Variants in ATP2B1 observed in about 807,000 individuals in gnomAD.
ATP2B1 encodes the protein plasma membrane calcium-transporting ATPase 1.
ATP2B1 carries 14 observed loss-of-function variants against 124.2 expected under a neutral mutation model. The observed-to-expected ratio is 0.11, with a 90% CI of 0.07 to 0.18. The LOEUF is 0.18. Ranked by LOEUF, ATP2B1 falls within the 10% of genes least tolerant of loss-of-function variation. The pLI is 1.00. For missense variants in ATP2B1, 763 were observed against 1,466.1 expected (o/e 0.52, Z 7.83); for synonymous variants, 449 against 492.4 (o/e 0.91, Z 1.17).
chr12:89,668,980 C>G (rs1887612937), intron 1 of ATP2B1, among the ~76,000 whole-genome samples: 2 of 152,160 alleles, frequency 1.3e-5, no homozygotes, highest in South Asian at 4.1e-4. Flanking sequence ...TACTCTGACT[C>G]CATGGCATGG....
intron 20 of ATP2B1, among the ~76,000 whole-genome samples, chr12:89,592,460 T>TA (rs1426913381): frequency 6.6e-6 from 1 of 152,020 alleles, no homozygotes; most frequent in Non-Finnish European, 1.5e-5. Flanking sequence ...TGAATGTGTT[T>TA]AAAAAAATGT....
chr12:89,591,200 C>T lies in ATP2B1; in HGVS notation c.3447G>A (p.Glu1149=). ...SSIHNFMTHP[E]FRIEDSEPHI... The stretch of plus-strand genomic sequence containing the variant: ...GAGGCTCTGAATCTTCTATCCTAAA[C>T]TCAGGATGTGTCATAAAGTTGTGAA... The change falls in exon 21 of 21, where the codon GAG becomes GAA. Residue 1149 remains glutamate (E), a synonymous_variant. Coordinates refer to ENST00000428670, the MANE Select transcript of ATP2B1 (RefSeq NM_001366521.1). 2 of 1,613,252 alleles carry T rather than the reference C, an allele frequency of 1.2e-6. No homozygotes were observed. The highest frequency in any genetic ancestry group is 4.5e-5 in the East Asian group (2 of 44,860).
intron 1 of ATP2B1, among the ~76,000 whole-genome samples, chr12:89,660,702 T>C (rs1325935890): frequency 6.6e-6 from 1 of 152,188 alleles, no homozygotes; most frequent in Non-Finnish European, 1.5e-5. Flanking sequence ...TGTAAACCCT[T>C]TGAACTTACC....
intron 20 of ATP2B1, 39 bp from the exon 21 acceptor site, chr12:89,591,334 TA>T: frequency 1.3e-6 from 2 of 1,524,638 alleles, no homozygotes; most frequent in Non-Finnish European, 8.9e-7. Flanking sequence ...GTCAGTACAC[TA>T]TTAACAACTT....
chr12:89,618,734 T>A (rs538315169), intron 11 of ATP2B1, among the ~76,000 whole-genome samples: 2 of 152,294 alleles, frequency 1.3e-5, no homozygotes, highest in East Asian at 3.9e-4. Context: ...CATACCAAAA[T>A]CTATCTTAAA....
intron 9 of ATP2B1, among the ~76,000 whole-genome samples, chr12:89,622,308 T>TG (rs397755752): frequency 1.3e-5 from 2 of 149,872 alleles, no homozygotes; most frequent in African/African-American, 4.9e-5. Context: ...GATTTTTTTT[T>TG]ATTATTAACT....
Position 89,603,154 on chromosome 12 carries a change from T to C in ATP2B1, c.2949A>G (p.Gln983=), listed in dbSNP as rs1876206692. The stretch of plus-strand genomic sequence containing the variant: ...TCCGGGCATTTATTTCGTTGAAAAG[T>C]TGCATCAGCACAAAGGTATTAAAAA... ...TIVFNTFVLM[Q]LFNEINARKI... is the part of the protein sequence containing the mutation. Residue 983 remains glutamine, a synonymous_variant, in exon 18 of 21, where the codon CAA becomes CAG. Transcript: ENST00000428670. This position sits in a 1 kb window ranked among gnomAD's most constrained non-coding sequence, Gnocchi z 4.3. The C allele has an allele frequency of 6.2e-7, 1 of 1,613,830 alleles. No homozygotes were observed.
intron 1 of ATP2B1, among the ~76,000 whole-genome samples, chr12:89,689,092 T>G (rs1316521116): frequency 1.3e-5 from 2 of 152,128 alleles, no homozygotes; most frequent in African/African-American, 4.8e-5. Flanking sequence ...AATAAACAGA[T>G]GCTCTTTAGA....
At chr12:89,656,724 C>G (rs566199588) in intron 1 of ATP2B1, among the ~76,000 whole-genome samples, 3 of 152,338 alleles carry the variant, frequency 2.0e-5, no homozygotes, top group Admixed American at 6.5e-5. Context: ...AAACTATACT[C>G]TATATGATTT....
In ATP2B1 at chr12:89,613,467, G is replaced by A. The variant is rs973927498; in HGVS notation, c.2068-2095C>T. On this transcript the variant is annotated intron_variant, in intron 12 of 20. Coordinates refer to ENST00000428670, the MANE Select transcript of ATP2B1 (RefSeq NM_001366521.1). ...TCAAACTAATATTTACTGAATGCCA[G>A]GCACTGTGCTTAGGTCCTAGTGCCA... 3.3e-5 allele frequency among the ~76,000 whole-genome samples: 5 copies of A among 152,296 alleles called. No homozygotes were observed. In the South Asian group the frequency reaches 6.2e-4, roughly 19 times the overall value.
At chr12:89,592,838 T>C (rs1873849269) in intron 20 of ATP2B1, among the ~76,000 whole-genome samples, 1 of 152,138 alleles carries the variant, frequency 6.6e-6, no homozygotes, top group South Asian at 2.1e-4. Flanking sequence ...TACAAATTAG[T>C]TGGGGATCTT....
intron 1 of ATP2B1, among the ~76,000 whole-genome samples, chr12:89,694,823 G>A (rs1235847997): frequency 6.6e-6 from 1 of 152,096 alleles, no homozygotes; most frequent in Non-Finnish European, 1.5e-5. Flanking sequence ...TTGTGAGGCC[G>A]AGGAAGGGGA....
rs1263112089 is a variant in ATP2B1 at position 89,655,774 on chromosome 12, A to G, written c.113T>C (p.Met38Thr). Residue 38 changes from methionine (M) to threonine (T), a missense_variant, in exon 2 of 21, where the codon ATG (methionine) becomes ACG (threonine). Physicochemically the swap from Met to Thr is moderately conservative, Grantham distance 81. Around this residue, in one of 7 missense-constraint regions of ATP2B1, gnomAD observed 93 missense variants for 112.7 expected, o/e 0.83. Transcript: ENST00000428670. ...GITLAELRAL[M>T]ELRSTDALRK... is the part of the protein sequence containing the mutation. ...TAATGCATCTGTGGACCTGAGCTCC[A>G]TGAGAGCCCGCAGCTCTGCGAGCGT... The G allele has an allele frequency of 1.9e-6, 3 of 1,614,192 alleles. No individual in the cohort carries two copies. Among genetic ancestry groups the G allele is most frequent in the Non-Finnish European group, 1.7e-6 (2 of 1,180,024 alleles).
At chr12:89,640,498 AT>A (rs1395376546) in intron 3 of ATP2B1, among the ~76,000 whole-genome samples, 2 of 152,202 alleles carry the variant, frequency 1.3e-5, no homozygotes, top group Non-Finnish European at 2.9e-5. Flanking sequence ...AGAAACCTTA[AT>A]CTATACCAAT....
chr12:89,627,629 T>C (rs1328991544), intron 7 of ATP2B1, 49 bp downstream of exon 7: 1 of 1,586,680 alleles, frequency 6.3e-7, no homozygotes, highest in Non-Finnish European at 8.6e-7. Context: ...AGTAGATTTT[T>C]GGATATAATG....
chr12:89,612,599 C>T (rs990189535), intron 12 of ATP2B1, among the ~76,000 whole-genome samples: 3 of 152,202 alleles, frequency 2.0e-5, no homozygotes, highest in African/African-American at 2.4e-5. Flanking sequence ...TAACTCCCCC[C>T]GCCCAACAAA....
chr12:89,608,223 C>T (rs896279170), intron 15 of ATP2B1, among the ~76,000 whole-genome samples: 1 of 152,150 alleles, frequency 6.6e-6, no homozygotes, highest in Admixed American at 6.5e-5. Flanking sequence ...GGCTGGAGTG[C>T]AGTGGTGCCA....
chr12:89,677,683 C>A (rs1888775859), intron 1 of ATP2B1, among the ~76,000 whole-genome samples: 1 of 151,916 alleles, frequency 6.6e-6, no homozygotes, highest in Non-Finnish European at 1.5e-5. Context: ...TCTCCTGATA[C>A]CAAACTTCAT....
chr12:89,621,998 T>C (rs1403736647), intron 9 of ATP2B1, among the ~76,000 whole-genome samples: 1 of 151,978 alleles, frequency 6.6e-6, no homozygotes, highest in African/African-American at 2.4e-5. Context: ...ACCAGAGCTT[T>C]CTGGGGTTTC....
Sources: gnomAD v4.1 joint callset for allele counts (sites outside exome capture counted in the v4.1 genomes callset) on GRCh38, gnomAD v4.1.1 for gene constraint, gnomAD v4.1.1 regional missense constraint, Gnocchi (gnomAD v3.1) non-coding constraint, MANE v1.5 for transcripts, NCBI Gene and HGNC (gene_info 2026-07-23, HGNC 2026-07-21) for gene names.